Variants in GSTA5 observed in about 807,000 individuals in gnomAD.
GSTA5 encodes the protein glutathione S-transferase A5.
GSTA5 carries 25 observed loss-of-function variants against 21.8 expected under a neutral mutation model. That is an observed-to-expected ratio of 1.14 (90% CI 0.83 to 1.60). GSTA5 has a LOEUF of 1.60. Among genes scored for constraint, GSTA5 ranks in the 40% most tolerant of loss-of-function variants. The pLI, the probability that GSTA5 is intolerant of heterozygous loss-of-function variation, is 0.00. For missense variants in GSTA5, 330 were observed against 259.2 expected (o/e 1.27, Z -1.88); for synonymous variants, 102 against 89.5 (o/e 1.14, Z -0.78).
upstream of GSTA5, chr6:52,840,855 A>G: frequency 6.6e-7 from 1 of 1,523,436 alleles, no homozygotes; most frequent in South Asian, 1.2e-5. Flanking sequence ...TGAATGAATG[A>G]ATGAATAATT....
Position 52,832,851 on chromosome 6 carries a change from T to A in GSTA5, c.546+8A>T. On this transcript the variant is annotated splice_region_variant and intron_variant, in intron 5 of 5. Transcript: ENST00000370989. Reference sequence around the variant, plus strand: ...GGGGCTGTCTCTCTGGGCTGTGAAATGGGTCACCTTCAGCAGAGGGAAGCT... The same window carrying A: ...GGGGCTGTCTCTCTGGGCTGTGAAAAGGGTCACCTTCAGCAGAGGGAAGCT... 1.9e-6 allele frequency: 3 copies of A among 1,613,682 alleles called. No individual in the cohort carries two copies. The highest frequency in any genetic ancestry group is 2.5e-6 in the Non-Finnish European group (3 of 1,179,812).
chr6:52,844,872 A>G (rs1227285996), upstream of GSTA5, among the ~76,000 whole-genome samples: 1 of 152,278 alleles, frequency 6.6e-6, no homozygotes, highest in East Asian at 1.9e-4. Flanking sequence ...TCTATCCATT[A>G]ATTATTTTAC....
rs1356396878 is a variant in GSTA5 at position 52,834,288 on chromosome 6, A to C, written c.273-6T>G. ...CTTCTGTGTACATATCAATCCTGAAAGACAAAAACAACCAAACCATCAAAT... is the reference window on the plus strand; with the variant it reads ...CTTCTGTGTACATATCAATCCTGAACGACAAAAACAACCAAACCATCAAAT... On this transcript the variant is annotated splice_polypyrimidine_tract_variant and splice_region_variant and intron_variant, in intron 3 of 5. Coordinates refer to ENST00000370989, the Ensembl canonical transcript of GSTA5. 3 of 1,600,952 alleles carry C rather than the reference A, an allele frequency of 1.9e-6. No individual in the cohort carries two copies. The highest frequency in any genetic ancestry group is 2.6e-6 in the Non-Finnish European group (3 of 1,174,808).
At chr6:52,837,424 A>G (rs943721763) in intron 2 of GSTA5, 134 bp downstream of exon 2, 2 of 555,460 alleles carry the variant, frequency 3.6e-6, no homozygotes, top group African/African-American at 3.9e-5. Flanking sequence ...CATCCCTTCC[A>G]TTTTAACCAC....
At chr6:52,836,482 C>T in intron 2 of GSTA5, 114 bp from the exon 3 acceptor site, 1 of 1,099,228 alleles carries the variant, frequency 9.1e-7, no homozygotes, top group Non-Finnish European at 1.3e-6. Context: ...GAAATTATTG[C>T]CTGTTAAGTT....
At chr6:52,842,492 G>A (rs7738111), upstream of GSTA5, among the ~76,000 whole-genome samples, 1,662 of 138,272 alleles carry the variant, frequency 0.012, 30 homozygotes, top group African/African-American at 0.042. Context: ...TGCAACTTTA[G>A]CCTCCCAGTT....
intron 3 of GSTA5, 137 bp downstream of exon 3, chr6:52,836,099 A>G: frequency 1.1e-6 from 1 of 894,794 alleles, no homozygotes; most frequent in Non-Finnish European, 1.8e-6. Context: ...GGACTCTGCA[A>G]TACTGGACCT....
intron 5 of GSTA5, among the ~76,000 whole-genome samples, chr6:52,832,354 C>T (rs149996570): frequency 2.6e-5 from 4 of 152,172 alleles, no homozygotes; most frequent in African/African-American, 9.6e-5. Flanking sequence ...TTATAGAAAA[C>T]ATTAAACACA....
intron 5 of GSTA5, 134 bp from the exon 6 acceptor site, chr6:52,832,104 A>G (rs1764225310): frequency 8.2e-7 from 1 of 1,224,338 alleles, no homozygotes; most frequent in Non-Finnish European, 1.1e-6. Flanking sequence ...GGAGGCAGAA[A>G]CAGACACCCA....
chr6:52,838,960 T>C (rs138013331), intron 1 of GSTA5, among the ~76,000 whole-genome samples: 112 of 152,362 alleles, frequency 7.4e-4, no homozygotes, highest in African/African-American at 2.5e-3. Flanking sequence ...AATTATACTT[T>C]AATGGAGTTC....
At chr6:52,833,288 C>CCT (rs112365499) in intron 4 of GSTA5, among the ~76,000 whole-genome samples, 1 of 151,858 alleles carries the variant, frequency 6.6e-6, no homozygotes, top group African/African-American at 2.4e-5. Context: ...GCACCTGCCT[C>CCT]CATGTGTTCT....
At chr6:52,834,183 G>A in exon 4 of GSTA5, 1 of 1,614,090 alleles carries the variant, frequency 6.2e-7, no homozygotes, top group South Asian at 1.1e-5. Flanking sequence ...TTTTCTCTTT[G>A]ACCAAGGCAG....
exon 3 of GSTA5, chr6:52,836,269 T>A (rs1400566333): frequency 6.2e-7 from 1 of 1,613,792 alleles, no homozygotes; most frequent in African/African-American, 1.3e-5. Flanking sequence ...CCCATAAAGG[T>A]TGTATTTGCT....
At chr6:52,832,055 G>A in intron 5 of GSTA5, 85 bp from the exon 6 acceptor site, 2 of 1,535,226 alleles carry the variant, frequency 1.3e-6, no homozygotes, top group Non-Finnish European at 1.7e-6. Flanking sequence ...AGCCCCTCAT[G>A]CCAAAGACCA....
At chr6:52,840,674 A>G in intron 1 of GSTA5, 53 bp downstream of exon 1, 2 of 1,480,430 alleles carry the variant, frequency 1.4e-6, no homozygotes, top group Non-Finnish European at 1.9e-6. Context: ...TGGGAAAAGT[A>G]TGTGATAACG....
At chr6:52,839,443 A>G (rs985483689) in intron 1 of GSTA5, among the ~76,000 whole-genome samples, 1 of 152,170 alleles carries the variant, frequency 6.6e-6, no homozygotes, top group African/African-American at 2.4e-5. Context: ...ACCTAGAATG[A>G]TAGTGTTTGG....
intron 5 of GSTA5, 78 bp downstream of exon 5, chr6:52,832,781 G>A: frequency 6.3e-7 from 1 of 1,599,820 alleles, no homozygotes; most frequent in Non-Finnish European, 8.6e-7. Flanking sequence ...GTCAAAACAT[G>A]GTCAGTCCCG....
the GSTA5 span, chr6:52,846,103 A>T: frequency 6.1e-6 from 1 of 162,616 alleles, no homozygotes; most frequent in Non-Finnish European, 1.4e-5. Flanking sequence ...ACTGAATTCC[A>T]GGTCTTAATG....
chr6:52,832,611 C>A (rs1764232924), intron 5 of GSTA5, among the ~76,000 whole-genome samples: 1 of 152,190 alleles, frequency 6.6e-6, no homozygotes, highest in South Asian at 2.1e-4. Flanking sequence ...AGCTGCTGGG[C>A]ACTGGGTCCT....
Sources: allele counts gnomAD v4.1 joint callset (sites outside exome capture counted in the v4.1 genomes callset), GRCh38; gene constraint gnomAD v4.1.1; transcripts MANE v1.5; gene names NCBI Gene and HGNC (gene_info 2026-07-23, HGNC 2026-07-21).